Variants in SCN11A observed in about 807,000 individuals in gnomAD.
The protein encoded by SCN11A is sodium voltage-gated channel alpha subunit 11, also known as sodium channel protein type 11 subunit alpha.
SCN11A carries 122 observed loss-of-function variants against 162.2 expected under a neutral mutation model. The observed-to-expected ratio is 0.75, with a 90% CI of 0.65 to 0.87. The LOEUF is 0.87. Among genes scored for constraint, SCN11A ranks in the 40% least tolerant of loss-of-function variants. The probability of loss-of-function intolerance (pLI) is 0.00; values close to 1 mark genes in which losing one functional copy is unlikely to be tolerated. For missense variants in SCN11A, 2,015 were observed against 2,181.6 expected (o/e 0.92, Z 1.52); for synonymous variants, 758 against 751.5 (o/e 1.01, Z -0.14).
chr3:39,035,643 G>A (rs552910999), intron 1 of SCN11A, among the ~76,000 whole-genome samples: 47 of 151,988 alleles, frequency 3.1e-4, no homozygotes, highest in Middle Eastern at 3.4e-3. Flanking sequence ...GATCAACATG[G>A]AAGGTTTTTT....
At chr3:38,878,759 T>G (rs1277413935) in intron 23 of SCN11A, among the ~76,000 whole-genome samples, 1 of 152,092 alleles carries the variant, frequency 6.6e-6, no homozygotes, top group Non-Finnish European at 1.5e-5. Context: ...TAATACTGAT[T>G]AACTCAGAAT....
chr3:38,924,409 T>C (rs2125551617), intron 9 of SCN11A, among the ~76,000 whole-genome samples: 1 of 151,982 alleles, frequency 6.6e-6, no homozygotes, highest in East Asian at 1.9e-4. Context: ...GTTTTGCTTT[T>C]GTTGCCCAGG....
intron 7 of SCN11A, among the ~76,000 whole-genome samples, chr3:38,938,306 AC>A (rs1274740274): frequency 1.3e-5 from 2 of 151,452 alleles, no homozygotes; most frequent in Admixed American, 6.6e-5. Context: ...GGTGCAGCAC[AC>A]CAGCATGGCA....
chr3:39,019,520 T>C (rs1345783424), intron 2 of SCN11A, among the ~76,000 whole-genome samples: 1 of 152,228 alleles, frequency 6.6e-6, no homozygotes, highest in Non-Finnish European at 1.5e-5. Flanking sequence ...ATGGTCTCCA[T>C]GAATTGATTT....
chr3:38,891,814 A>G (rs1363002752), intron 19 of SCN11A, among the ~76,000 whole-genome samples: 1 of 152,222 alleles, frequency 6.6e-6, no homozygotes, highest in East Asian at 1.9e-4. Context: ...GAGTCCTCAT[A>G]ATCTAATCAC....
intron 27 of SCN11A, among the ~76,000 whole-genome samples, chr3:38,866,146 A>T (rs1378090805): frequency 6.6e-6 from 1 of 152,142 alleles, no homozygotes; most frequent in Non-Finnish European, 1.5e-5. Context: ...AAAGAGGGGA[A>T]TGATCAGGAT....
At chr3:38,939,158 G>C (rs2125567193) in intron 7 of SCN11A, among the ~76,000 whole-genome samples, 1 of 151,982 alleles carries the variant, frequency 6.6e-6, no homozygotes, top group Non-Finnish European at 1.5e-5. Flanking sequence ...GGGCAAGAAA[G>C]CGAGATTCTG....
At position 38,867,398 on chromosome 3, in the gene SCN11A, T is replaced by C. The variant is rs764798607; in HGVS notation, c.3874A>G (p.Ile1292Val). 2.0e-5 allele frequency: 33 copies of C among 1,612,892 alleles called. No individual in the cohort carries two copies. The South Asian group carries it at 3.6e-4, about 18-fold the overall frequency. Residue 1292 changes from isoleucine to valine, a missense_variant, in exon 27 of 30, where the codon ATC (isoleucine) becomes GTC (valine). By Grantham distance (29) the Ile-to-Val change is conservative. Coordinates refer to ENST00000302328, the MANE Select transcript of SCN11A (RefSeq NM_001349253.2). ...AGAGTGAAGAATGAGCCAAAGATGATAAAGACTACGAAGTAAATGTAACCG... is the reference window on the plus strand; with the variant it reads ...AGAGTGAAGAATGAGCCAAAGATGACAAAGACTACGAAGTAAATGTAACCG... ...SLGYIYFVVF[I>V]IFGSFFTLNL...
chr3:39,018,747 G>C (rs578086586), intron 2 of SCN11A, among the ~76,000 whole-genome samples: 11 of 152,304 alleles, frequency 7.2e-5, no homozygotes, highest in South Asian at 4.1e-4. Flanking sequence ...GAACCCGGGA[G>C]GCAGAGCTTG....
At chr3:38,868,970 G>A (rs1403709816) in intron 26 of SCN11A, among the ~76,000 whole-genome samples, 2 of 152,176 alleles carry the variant, frequency 1.3e-5, no homozygotes, top group African/African-American at 4.8e-5. Flanking sequence ...GACTGCCAGG[G>A]ACCATGGGGA....
chr3:38,938,146 C>T (rs889078331), intron 7 of SCN11A, among the ~76,000 whole-genome samples: 24 of 151,848 alleles, frequency 1.6e-4, no homozygotes, highest in Non-Finnish European at 2.2e-4. Context: ...AACCAAACAC[C>T]GCATATTCTC....
intron 14 of SCN11A, among the ~76,000 whole-genome samples, chr3:38,906,306 C>G (rs1237430288): frequency 6.6e-6 from 1 of 152,160 alleles, no homozygotes; most frequent in Non-Finnish European, 1.5e-5. Flanking sequence ...TGAACATCCC[C>G]CTCCTTAATG....
chr3:39,019,151 T>G (rs930591798), intron 2 of SCN11A, among the ~76,000 whole-genome samples: 1 of 152,188 alleles, frequency 6.6e-6, no homozygotes, highest in Non-Finnish European at 1.5e-5. Flanking sequence ...TCACAAGATA[T>G]GCAACTTCCC....
At chr3:39,042,277 C>T (rs1208519429) in intron 1 of SCN11A, among the ~76,000 whole-genome samples, 1 of 151,938 alleles carries the variant, frequency 6.6e-6, no homozygotes, top group Non-Finnish European at 1.5e-5. Context: ...TCCAAAAAAA[C>T]CCAAACAAAC....
intron 2 of SCN11A, among the ~76,000 whole-genome samples, chr3:38,981,230 T>A (rs1448155552): frequency 6.6e-6 from 1 of 152,212 alleles, no homozygotes; most frequent in East Asian, 1.9e-4. Context: ...ATCAACCACA[T>A]GTTTAACAAG....
chr3:38,846,749 C>T lies in SCN11A; in HGVS notation c.5321G>A (p.Cys1774Tyr). Residue 1774 changes from cysteine (C) to tyrosine (Y), a missense_variant, in exon 30 of 30, where the codon TGC (cysteine) becomes TAC (tyrosine). Cys to Tyr is a radical substitution (Grantham distance 194, BLOSUM62 -2). Coordinates refer to ENST00000302328, the MANE Select transcript of SCN11A (RefSeq NM_001349253.2). ...CCCAAAGCTAGACAAGTCTCCATTG[C>T]AAAGAGTCTGGAGTGGTGAATGAGG... ...NGPHSPLQTL[C>Y]NGDLSSFGVA... is the part of the protein sequence containing the mutation. 1 of 1,614,138 alleles carries T rather than the reference C, an allele frequency of 6.2e-7. No homozygotes were observed. Among genetic ancestry groups the T allele is most frequent in the Non-Finnish European group, 8.5e-7 (1 of 1,180,022 alleles).
chr3:38,918,255 G>C (rs2065991424), intron 11 of SCN11A, among the ~76,000 whole-genome samples: 1 of 152,140 alleles, frequency 6.6e-6, no homozygotes, highest in Non-Finnish European at 1.5e-5. Context: ...ATATGCAGCA[G>C]CTGTCGGGCT....
intron 23 of SCN11A, among the ~76,000 whole-genome samples, chr3:38,874,642 C>T (rs904502226): frequency 6.6e-6 from 1 of 152,130 alleles, no homozygotes; most frequent in Non-Finnish European, 1.5e-5. Flanking sequence ...TTAATATGCA[C>T]TTCTGTGCTA....
intron 28 of SCN11A, among the ~76,000 whole-genome samples, chr3:38,861,633 A>C (rs2064965854): frequency 6.6e-6 from 1 of 152,004 alleles, no homozygotes; most frequent in Non-Finnish European, 1.5e-5. Context: ...ACAAACATAA[A>C]CTGGGGAAAG....
Sources: allele counts gnomAD v4.1 joint callset (sites outside exome capture counted in the v4.1 genomes callset), GRCh38; gene constraint gnomAD v4.1.1; transcripts MANE v1.5; gene names NCBI Gene and HGNC (gene_info 2026-07-23, HGNC 2026-07-21).